TSPAN12: variants seen among roughly 807,000 people sequenced by gnomAD.
TSPAN12 encodes the protein tetraspanin 12, also known as tetraspanin-12.
TSPAN12 carries 19 observed loss-of-function variants against 39.2 expected under a neutral mutation model. The ratio of observed to expected loss-of-function variants is 0.49; its 90% confidence interval spans 0.34 to 0.71. The LOEUF (loss-of-function observed/expected upper bound fraction) is 0.71. Among genes scored for constraint, TSPAN12 ranks in the 30% least tolerant of loss-of-function variants. The pLI, the probability that TSPAN12 is intolerant of heterozygous loss-of-function variation, is 0.01. For missense variants in TSPAN12, 314 were observed against 359.9 expected, an observed-to-expected ratio of 0.87 and a Z score of 1.03; for synonymous variants, 119 against 124.8, an observed-to-expected ratio of 0.95 and a Z score of 0.31.
intron 4 of TSPAN12, among the ~76,000 whole-genome samples, chr7:120,821,114 T>C (rs956034540): frequency 3.3e-5 from 5 of 152,276 alleles, no homozygotes; most frequent in African/African-American, 7.2e-5. Flanking sequence ...CATTATAAAG[T>C]ATTTTACTTG....
chr7:120,813,439 A>G (rs1228291363), intron 5 of TSPAN12, among the ~76,000 whole-genome samples: 1 of 152,240 alleles, frequency 6.6e-6, no homozygotes, highest in Non-Finnish European at 1.5e-5. Flanking sequence ...AGAATAGAAG[A>G]AAGTGTCTAA....
intron 2 of TSPAN12, among the ~76,000 whole-genome samples, chr7:120,840,320 A>G (rs1243307916): frequency 6.6e-6 from 1 of 152,234 alleles, no homozygotes; most frequent in Non-Finnish European, 1.5e-5. Context: ...AATGGGATAC[A>G]GAAAACAAAA....
At chr7:120,805,991 A>G (rs1432283013) in intron 7 of TSPAN12, among the ~76,000 whole-genome samples, 3 of 152,136 alleles carry the variant, frequency 2.0e-5, no homozygotes, top group African/African-American at 2.4e-5. Context: ...AAACACAAGT[A>G]TGTAAATTTC....
At chr7:120,819,533 T>G (rs1304233792) in intron 4 of TSPAN12, among the ~76,000 whole-genome samples, 1 of 152,142 alleles carries the variant, frequency 6.6e-6, no homozygotes, top group Non-Finnish European at 1.5e-5. Flanking sequence ...AACACTGATT[T>G]GTTTGACTTT....
intron 7 of TSPAN12, among the ~76,000 whole-genome samples, chr7:120,799,506 TTAATTATATATAATTAATTATATA>T (rs1265680645): frequency 3.4e-4 from 42 of 122,748 alleles, no homozygotes; most frequent in South Asian, 9.0e-4. Flanking sequence ...TTTTAATTAA[TTAATTATATATAATTAATTATATA>T]TAATTATATA....
At position 120,789,577 on chromosome 7, in the gene TSPAN12, G is replaced by A. The variant is rs372664935; in HGVS notation, c.613-680C>T. 3.9e-5 allele frequency among the ~76,000 whole-genome samples: 6 copies of A among 152,144 alleles called. No individual in the cohort carries two copies. The East Asian group carries it at 9.6e-4, about 24-fold the overall frequency. On this transcript the variant is annotated intron_variant, in intron 7 of 7. Transcript: ENST00000222747. The stretch of plus-strand genomic sequence containing the variant: ...GTATTTTACAAAGAGTTCCACTCAA[G>A]TATTCTATAAGAGCTCATTCACTCT...
intron 7 of TSPAN12, among the ~76,000 whole-genome samples, chr7:120,796,040 G>C (rs1793622554): frequency 6.7e-6 from 1 of 148,204 alleles, no homozygotes; most frequent in Non-Finnish European, 1.5e-5. Context: ...GTAAAAGACT[G>C]CATTTACTGA....
At chr7:120,798,679 G>A (rs902940195) in intron 7 of TSPAN12, among the ~76,000 whole-genome samples, 2 of 152,060 alleles carry the variant, frequency 1.3e-5, no homozygotes, top group Non-Finnish European at 2.9e-5. Flanking sequence ...ATATTATCAG[G>A]ACATACAGGA....
At chr7:120,810,388 C>A in intron 6 of TSPAN12, 75 bp downstream of exon 6, 1 of 960,688 alleles carries the variant, frequency 1.0e-6, no homozygotes, top group Non-Finnish European at 1.7e-6. Flanking sequence ...ATTACCAAAG[C>A]TAAAGCTTTA....
intron 4 of TSPAN12, among the ~76,000 whole-genome samples, chr7:120,832,006 A>C (rs922831857): frequency 4.1e-5 from 4 of 96,888 alleles, no homozygotes; most frequent in Admixed American, 3.6e-4. Flanking sequence ...TAACAAGTCA[A>C]ATAAAGTACA....
At chr7:120,853,471 G>GATATATATATATATATAT (rs375897054) in intron 2 of TSPAN12, among the ~76,000 whole-genome samples, 54 of 138,126 alleles carry the variant, frequency 3.9e-4, no homozygotes, top group African/African-American at 1.4e-3. Flanking sequence ...AAGAAATGCA[G>GATATATATATATATATAT]ATATATATAT....
chr7:120,831,633 A>G (rs1794392580), intron 4 of TSPAN12, among the ~76,000 whole-genome samples: 1 of 152,012 alleles, frequency 6.6e-6, no homozygotes, highest in African/African-American at 2.4e-5. Context: ...GGTGGTTACT[A>G]GAGGCTGGTA....
intron 7 of TSPAN12, among the ~76,000 whole-genome samples, chr7:120,792,445 T>C (rs1194021357): frequency 6.6e-6 from 1 of 152,160 alleles, no homozygotes; most frequent in Non-Finnish European, 1.5e-5. Flanking sequence ...CATGGGGGCT[T>C]GACAAGCTCT....
rs542421257 is a variant in TSPAN12, at chr7:120,815,283, C to A, written c.360+446G>T. ...AACATTCAAATTAATAATCATGTAC[C>A]TAAATTACTCTAAAGTATTGATATG... On this transcript the variant is annotated intron_variant, in intron 5 of 7. Transcript: ENST00000222747. Among the ~76,000 whole-genome samples the A allele has an allele frequency of 5.3e-5, 8 of 152,202 alleles. No individual in the cohort carries two copies. In the South Asian group the frequency reaches 1.7e-3, roughly 32 times the overall value.
At position 120,815,728 on chromosome 7, in the gene TSPAN12, C is replaced by G; in HGVS notation, c.360+1G>C. 6.2e-7 allele frequency: 1 copy of G among 1,611,844 alleles called. No individual in the cohort carries two copies. The highest frequency in any genetic ancestry group is 8.5e-7 in the Non-Finnish European group (1 of 1,178,838). ...TGTGATTATATCTATTTTGAACTCACCATAAGTTCCTGTTCATATGTCCAA... is the reference window on the plus strand; with the variant it reads ...TGTGATTATATCTATTTTGAACTCAGCATAAGTTCCTGTTCATATGTCCAA... On this transcript the variant is annotated splice_donor_variant, in intron 5 of 7. Transcript: ENST00000222747. LOFTEE classifies it high-confidence loss of function.
Position 120,847,946 on chromosome 7 carries a change from C to T in TSPAN12, c.67-7837G>A, listed in dbSNP as rs561113265. Among the ~76,000 whole-genome samples, 6 of 152,310 alleles carry T rather than the reference C, an allele frequency of 3.9e-5. No individual in the cohort carries two copies. The South Asian group carries it at 8.3e-4, about 21-fold the overall frequency. On this transcript the variant is annotated intron_variant, in intron 2 of 7. Coordinates refer to ENST00000222747, the MANE Select transcript of TSPAN12 (RefSeq NM_012338.4). Reference sequence around the variant, plus strand: ...CACACCAGGCCCTCTTCAGCTACCCCTTAAACTTTTTCTTAAACCGTGCTT... The same window carrying T: ...CACACCAGGCCCTCTTCAGCTACCCTTTAAACTTTTTCTTAAACCGTGCTT...
chr7:120,841,187 G>A (rs1794572647), intron 2 of TSPAN12, among the ~76,000 whole-genome samples: 2 of 152,202 alleles, frequency 1.3e-5, no homozygotes, highest in African/African-American at 4.8e-5. Context: ...TACACATAAT[G>A]TGTCTCCCAA....
intron 7 of TSPAN12, among the ~76,000 whole-genome samples, chr7:120,801,066 G>A (rs970175833): frequency 1.3e-5 from 2 of 152,110 alleles, no homozygotes; most frequent in Non-Finnish European, 2.9e-5. Flanking sequence ...GAATACAGGC[G>A]TGAATCACTG....
At chr7:120,852,263 A>C (rs1794784150) in intron 2 of TSPAN12, among the ~76,000 whole-genome samples, 1 of 152,214 alleles carries the variant, frequency 6.6e-6, no homozygotes, top group South Asian at 2.1e-4. Context: ...ATTTAAAAAA[A>C]CTAAGACTAC....
Sources: allele counts gnomAD v4.1 joint callset (sites outside exome capture counted in the v4.1 genomes callset), GRCh38; gene constraint gnomAD v4.1.1; transcripts MANE v1.5; gene names NCBI Gene and HGNC (gene_info 2026-07-23, HGNC 2026-07-21).